Variants in GSPT1 observed in about 807,000 individuals in gnomAD.
GSPT1 encodes G1 to S phase transition 1.
A neutral mutation model predicts 72.5 loss-of-function variants in GSPT1; 20 were observed. That is an observed-to-expected ratio of 0.28 (90% CI 0.19 to 0.40). GSPT1 has a LOEUF of 0.40. Ranked by LOEUF, GSPT1 falls within the 10% of genes least tolerant of loss-of-function variation. The pLI is 1.00. For missense variants in GSPT1, 580 were observed against 811.9 expected, an observed-to-expected ratio of 0.71 and a Z score of 3.47; for synonymous variants, 334 against 293.5, an observed-to-expected ratio of 1.14 and a Z score of -1.41.
chr16:11,892,501 T>C (rs1381959341), intron 5 of GSPT1, among the ~76,000 whole-genome samples: 1 of 74,088 alleles, frequency 1.3e-5, no homozygotes, highest in African/African-American at 5.6e-5. Context: ...AGGGAGACCC[T>C]TTCTCAAAAA....
Position 11,915,416 on chromosome 16 carries a change from C to G in GSPT1, c.305G>C (p.Gly102Ala), listed in dbSNP as rs770384834. The G allele has an allele frequency of 2.0e-6, 3 of 1,506,184 alleles. No individual in the cohort carries two copies. The highest frequency in any genetic ancestry group is 2.9e-5 in the African/African-American group (2 of 67,812). The allele number at this position is 1,506,184 out of a possible 1,614,324, so 93.3% of individuals were successfully genotyped here. Residue 102 changes from glycine to alanine, a missense_variant, in exon 1 of 15, where the codon GGC (glycine) becomes GCC (alanine). Around this residue, in one of 6 missense-constraint regions of GSPT1, gnomAD observed 327 missense variants for 298.8 expected, o/e 1.09. Transcript: ENST00000434724. The stretch of plus-strand genomic sequence containing the variant: ...GCCGGCTCCGTGGTTATTGGCGGCG[C>G]CGCCAACTGGGGGTGGCGGCGCTGC... ...GPAAPPPPVG[G>A]AANNHGAGSG...
rs1239772704 is a variant in GSPT1 at position 11,872,534 on chromosome 16, T to C, written c.*585A>G. 6.6e-6 allele frequency: 1 copy of C among 152,228 alleles called. No homozygotes were observed. The highest frequency in any genetic ancestry group is 2.4e-5 in the African/African-American group (1 of 41,450). 9.4% of individuals were successfully genotyped at this position (152,228 alleles called of 1,614,324 possible). ...TACAAACTTGAACGCTGTGAATGTC[T>C]CATTTATAGTGGGTAGGGAAAGAGT... is the stretch of plus-strand genomic sequence containing the variant. On this transcript the variant is annotated 3_prime_UTR_variant, in exon 15 of 15. Coordinates refer to ENST00000434724, the MANE Select transcript of GSPT1 (RefSeq NM_002094.4).
intron 1 of GSPT1, chr16:11,908,392 G>A (rs978037895): frequency 6.6e-6 from 1 of 152,144 alleles, no homozygotes; most frequent in Non-Finnish European, 1.5e-5. Flanking sequence ...GGAGGCCGAG[G>A]TGGGTGGCTC....
chr16:11,914,057 C>T (rs567112856), intron 1 of GSPT1, among the ~76,000 whole-genome samples: 2 of 152,212 alleles, frequency 1.3e-5, no homozygotes, highest in Non-Finnish European at 2.9e-5. Flanking sequence ...AGAACCACCA[C>T]AATACAGAAC....
intron 1 of GSPT1, among the ~76,000 whole-genome samples, chr16:11,905,824 G>C (rs1008837832): frequency 1.3e-5 from 2 of 152,014 alleles, no homozygotes; most frequent in African/African-American, 4.8e-5. Flanking sequence ...GGCGACAAGA[G>C]CGAGACTCTG....
intron 10 of GSPT1, among the ~76,000 whole-genome samples, chr16:11,884,197 T>C (rs1348886635): frequency 1.3e-5 from 2 of 152,166 alleles, no homozygotes; most frequent in African/African-American, 4.8e-5. Context: ...CATCCAGTGC[T>C]GGTGAGGCTG....
At chr16:11,915,088 T>C in intron 1 of GSPT1, 1 of 1,289,676 alleles carries the variant, frequency 7.8e-7, no homozygotes, top group Non-Finnish European at 1.0e-6. Context: ...CTCAAGTGGG[T>C]AACTGCGGAC....
intron 10 of GSPT1, among the ~76,000 whole-genome samples, chr16:11,883,987 G>T (rs2054156896): frequency 1.3e-5 from 2 of 151,846 alleles, no homozygotes; most frequent in Admixed American, 1.3e-4. Context: ...ACAAATTCAG[G>T]TTCTCCTGAT....
chr16:11,879,753 A>C (rs914744592), intron 11 of GSPT1, among the ~76,000 whole-genome samples: 37 of 151,842 alleles, frequency 2.4e-4, no homozygotes, highest in African/African-American at 8.7e-4. Context: ...AAAAAAAAAA[A>C]AACAAAACAA....
chr16:11,877,401 G>C lies in GSPT1; in HGVS notation c.1602+6C>G, dbSNP rs373950871. On this transcript the variant is annotated splice_donor_region_variant and intron_variant, in intron 12 of 14. Transcript: ENST00000434724. The surrounding 1 kb of genome is among the most constrained non-coding windows in gnomAD (Gnocchi z 4.0). ...CCCACTATGACAACAACAATAATTT[G>C]TTTACCTGGGCATCAAATGTGCGTC... The C allele has an allele frequency of 4.8e-4, 745 of 1,562,076 alleles. No homozygotes were observed. The highest frequency in any genetic ancestry group is 6.1e-4 in the Non-Finnish European group (705 of 1,153,502).
rs1555504705 is a variant in GSPT1 at position 11,892,519 on chromosome 16, A to AAAAAT, written c.699-1381_699-1380insATTTT. ...GAGACCCTTTCTCAAAAAAACAAAA[A>AAAAAT]AAACAAAAAAAACAAAAAATAAAAA... On this transcript the variant is annotated intron_variant, in intron 5 of 14. Coordinates refer to ENST00000434724, the MANE Select transcript of GSPT1 (RefSeq NM_002094.4). Among the ~76,000 whole-genome samples the AAAAAT allele has an allele frequency of 3.5e-4, 50 of 142,696 alleles. 3 individuals are homozygous for AAAAAT. Among genetic ancestry groups the AAAAAT allele is most frequent in the African/African-American group, 1.2e-3 (43 of 35,688 alleles). 93.6% of individuals were successfully genotyped at this position (142,696 alleles called of 152,430 possible).
At chr16:11,883,371 T>A (rs184924803) in intron 10 of GSPT1, among the ~76,000 whole-genome samples, 78 of 147,260 alleles carry the variant, frequency 5.3e-4, no homozygotes, top group African/African-American at 1.9e-3. Context: ...CCCAACACTT[T>A]GGGAGGTGGA....
chr16:11,890,115 C>G (rs1255306798), intron 6 of GSPT1, among the ~76,000 whole-genome samples: 1 of 151,726 alleles, frequency 6.6e-6, no homozygotes, highest in Non-Finnish European at 1.5e-5. Flanking sequence ...TGCCTGCCAC[C>G]TTGCCCAGCT....
intron 6 of GSPT1, among the ~76,000 whole-genome samples, chr16:11,888,763 A>C (rs1438463442): frequency 6.6e-6 from 1 of 152,218 alleles, no homozygotes; most frequent in Non-Finnish European, 1.5e-5. Flanking sequence ...TCCGTCTCAA[A>C]AAAATAAATA....
chr16:11,886,396 A>G (rs1028724057), intron 9 of GSPT1, 75 bp downstream of exon 9: 7 of 906,934 alleles, frequency 7.7e-6, no homozygotes, highest in Non-Finnish European at 1.2e-5. Flanking sequence ...CATGTTACTC[A>G]GCATATGTCT....
chr16:11,884,842 G>GTGGA (rs555716765), intron 10 of GSPT1, among the ~76,000 whole-genome samples: 64 of 151,802 alleles, frequency 4.2e-4, no homozygotes, highest in African/African-American at 1.5e-3. Flanking sequence ...GCCGAGGCAG[G>GTGGA]TGGATCACAA....
chr16:11,886,746 C>T (rs771565345), intron 8 of GSPT1, 31 bp downstream of exon 8: 1 of 1,601,058 alleles, frequency 6.2e-7, no homozygotes, highest in South Asian at 1.1e-5. Context: ...CTTAATCCCA[C>T]TAACATAAAA....
rs535745233 is a variant in GSPT1, at chr16:11,877,962, A to C, written c.1429-382T>G. ...GAAGGATTTAATAAACCTGTCTTCTATTACCTATCAATCTCCAAATATCGG... is the reference window on the plus strand; with the variant it reads ...GAAGGATTTAATAAACCTGTCTTCTCTTACCTATCAATCTCCAAATATCGG... On this transcript the variant is annotated intron_variant, in intron 11 of 14. Transcript: ENST00000434724. This position sits in a 1 kb window ranked among gnomAD's most constrained non-coding sequence, Gnocchi z 4.0. Among the ~76,000 whole-genome samples the C allele has an allele frequency of 6.6e-6, 1 of 152,338 alleles. No homozygotes were observed. Among genetic ancestry groups the C allele is most frequent in the Non-Finnish European group, 1.5e-5 (1 of 68,034 alleles).
intron 14 of GSPT1, among the ~76,000 whole-genome samples, chr16:11,875,099 G>A (rs1474457986): frequency 2.0e-5 from 3 of 152,134 alleles, no homozygotes. Flanking sequence ...TGAGGCAGGA[G>A]AATGGCGTGA....
Sources: allele counts gnomAD v4.1 joint callset (sites outside exome capture counted in the v4.1 genomes callset), GRCh38; gene constraint gnomAD v4.1.1; regional missense constraint gnomAD v4.1.1; non-coding constraint Gnocchi (gnomAD v3.1); transcripts MANE v1.5; gene names NCBI Gene and HGNC (gene_info 2026-07-23, HGNC 2026-07-21).